OSR2: variants seen among roughly 807,000 people sequenced by gnomAD.
OSR2 encodes the protein protein odd-skipped-related 2.
In OSR2, 8 loss-of-function variants were observed where a neutral mutation model predicts 22.3. The ratio of observed to expected loss-of-function variants is 0.36; its 90% CI spans 0.21 to 0.65. The LOEUF (loss-of-function observed/expected upper bound fraction) is 0.65, where lower values mean the gene tolerates loss of function less well. Among genes scored for constraint, OSR2 ranks in the 30% least tolerant of loss-of-function variants. The pLI is 0.66. For missense variants in OSR2, 311 were observed against 413.4 expected, an observed-to-expected ratio of 0.75 and a Z score of 2.15; for synonymous variants, 179 against 173.8, an observed-to-expected ratio of 1.03 and a Z score of -0.23.
Position 98,951,985 on chromosome 8 carries a change from T to C in OSR2, c.*284T>C, listed in dbSNP as rs1840797901. 6.7e-6 allele frequency: 2 copies of C among 296,644 alleles called. No homozygotes were observed. The highest frequency in any genetic ancestry group is 2.1e-5 in the African/African-American group (1 of 47,126). The allele number at this position is 296,644 out of a possible 1,614,324, so 18.4% of individuals were successfully genotyped here. A position where few individuals can be genotyped will look rare whatever the true frequency, so the allele number is the denominator to read the frequency against. On this transcript the variant is annotated 3_prime_UTR_variant, in exon 4 of 4. Coordinates refer to ENST00000297565, the MANE Select transcript of OSR2 (RefSeq NM_001142462.3). ...CATAATGTTGTGGGTCTTTGTTTTGTTGTTTTGTTTGCTTTGGGATCTTGT... is the reference window on the plus strand; with the variant it reads ...CATAATGTTGTGGGTCTTTGTTTTGCTGTTTTGTTTGCTTTGGGATCTTGT...
At chr8:98,947,830 C>G (rs1235289774) in intron 1 of OSR2, among the ~76,000 whole-genome samples, 1 of 152,170 alleles carries the variant, frequency 6.6e-6, no homozygotes, top group African/African-American at 2.4e-5. Context: ...CTTTCCTCTC[C>G]CTCCCCGGAG....
Position 98,948,046 on chromosome 8 carries a change from C to A in OSR2, c.-114-793C>A. On this transcript the variant is annotated intron_variant, in intron 1 of 3. Transcript: ENST00000297565. The surrounding 1 kb of genome is among the most constrained non-coding windows in gnomAD (Gnocchi z 6.0). ...CCACCCCACCCCCTGGGAGCCTGAA[C>A]CATCTGGAAGGGATCTTAGTCGGGG... The A allele has an allele frequency of 8.6e-7, 1 of 1,166,328 alleles. No individual in the cohort carries two copies. Among genetic ancestry groups the A allele is most frequent in the Non-Finnish European group, 1.1e-6 (1 of 907,372 alleles). 72.2% of individuals were successfully genotyped at this position (1,166,328 alleles called of 1,614,324 possible). A position where few individuals can be genotyped will look rare whatever the true frequency, so the allele number is the denominator to read the frequency against.
chr8:98,948,615 C>A lies in OSR2; in HGVS notation c.-114-224C>A. ...AATCCGACTTTCTTTCCTTTGGGCA[C>A]GCGCTCGCCAGTGGAGCACTTCTTG... On this transcript the variant is annotated intron_variant, in intron 1 of 3. Transcript: ENST00000297565. The surrounding 1 kb of genome is among the most constrained non-coding windows in gnomAD (Gnocchi z 6.0). 1 of 1,006,440 alleles carries A rather than the reference C, an allele frequency of 9.9e-7. No homozygotes were observed. Among genetic ancestry groups the A allele is most frequent in the Non-Finnish European group, 1.4e-6 (1 of 713,080 alleles). The allele number at this position is 1,006,440 out of a possible 1,614,324, so 62.3% of individuals were successfully genotyped here. A position where few individuals can be genotyped will look rare whatever the true frequency, so the allele number is the denominator to read the frequency against.
Position 98,949,701 on chromosome 8 carries a change from C to A in OSR2, c.656+93C>A. 2.1e-6 allele frequency: 3 copies of A among 1,418,586 alleles called. No homozygotes were observed. Among genetic ancestry groups the A allele is most frequent in the South Asian group, 1.4e-5 (1 of 72,866 alleles). The allele number at this position is 1,418,586 out of a possible 1,614,324, so 87.9% of individuals were successfully genotyped here. A position where few individuals can be genotyped will look rare whatever the true frequency, so the allele number is the denominator to read the frequency against. ...TAGACATTCCCAGTGTCATTATAAT[C>A]CCCTGTGATCTAAAATACACCCTCA... is the stretch of plus-strand genomic sequence containing the variant. On this transcript the variant is annotated intron_variant, in intron 2 of 3. Coordinates refer to ENST00000297565, the MANE Select transcript of OSR2 (RefSeq NM_001142462.3). The surrounding 1 kb of genome is among the most constrained non-coding windows in gnomAD (Gnocchi z 5.9).
chr8:98,948,153 C>G lies in OSR2; in HGVS notation c.-114-686C>G. On this transcript the variant is annotated intron_variant, in intron 1 of 3. Transcript: ENST00000297565. The surrounding 1 kb of genome is among the most constrained non-coding windows in gnomAD (Gnocchi z 6.0). ...CCTGAGGTGTCACTTTTCTTTCCTG[C>G]GGCCCGTCACCGCTGATAGATGGGG... 7.2e-7 allele frequency: 1 copy of G among 1,381,170 alleles called. No individual in the cohort carries two copies. The highest frequency in any genetic ancestry group is 9.3e-7 in the Non-Finnish European group (1 of 1,070,870). 85.6% of individuals were successfully genotyped at this position (1,381,170 alleles called of 1,614,324 possible).
intron 1 of OSR2, among the ~76,000 whole-genome samples, chr8:98,946,564 CTT>C (rs35793128): frequency 6.8e-6 from 1 of 147,510 alleles, no homozygotes. Flanking sequence ...TGAAATAGCA[CTT>C]TTTTTTTTTA....
Position 98,949,089 on chromosome 8 carries a change from T to C in OSR2, c.137T>C (p.Val46Ala), listed in dbSNP as rs1259873860. ...CAGGGCCTGTACGGTCTCAGCGCGG[T>C]ACAGACCATGCACATGAACCACTGG... is the stretch of plus-strand genomic sequence containing the variant. ...HLQGLYGLSA[V>A]QTMHMNHWTL... The change falls in exon 2 of 4, where the codon GTA becomes GCA. Residue 46 changes from valine to alanine, a missense_variant. Physicochemically the swap from Val to Ala is moderately conservative, Grantham distance 64. Transcript: ENST00000297565. The surrounding 1 kb of genome is among the most constrained non-coding windows in gnomAD (Gnocchi z 5.9). 1.2e-6 allele frequency: 2 copies of C among 1,613,862 alleles called. No homozygotes were observed. Among genetic ancestry groups the C allele is most frequent in the East Asian group, 4.5e-5 (2 of 44,870 alleles).
In OSR2 at chr8:98,951,725, CCG is replaced by C; in HGVS notation, c.*26_*27del. On this transcript the variant is annotated 3_prime_UTR_variant, in exon 4 of 4. Coordinates refer to ENST00000297565, the MANE Select transcript of OSR2 (RefSeq NM_001142462.3). ...AGAGAAGCCCAGGATCTGTCCCGTGCCGCCGCTGCTCCCCTCCCCAGACACCT... is the reference window on the plus strand; with the variant it reads ...AGAGAAGCCCAGGATCTGTCCCGTGCCCGCTGCTCCCCTCCCCAGACACCT... 6.3e-7 allele frequency: 1 copy of C among 1,592,350 alleles called. No individual in the cohort carries two copies.
rs781452115 is a variant in OSR2 at position 98,951,747 on chromosome 8, A to G, written c.*46A>G. 104 of 1,559,178 alleles carry G rather than the reference A, an allele frequency of 6.7e-5. No homozygotes were observed. In the East Asian group the frequency reaches 1.9e-3, roughly 28 times the overall value. On this transcript the variant is annotated 3_prime_UTR_variant, in exon 4 of 4. Transcript: ENST00000297565. ...GTGCCGCCGCTGCTCCCCTCCCCAGACACCTCTCCACGTCTCCTACCCAGG... is the reference window on the plus strand; with the variant it reads ...GTGCCGCCGCTGCTCCCCTCCCCAGGCACCTCTCCACGTCTCCTACCCAGG...
At chr8:98,945,915 C>T (rs183111663) in intron 1 of OSR2, 71 of 152,314 alleles carry the variant, frequency 4.7e-4, no homozygotes, top group African/African-American at 1.4e-3. Flanking sequence ...CAGGTTTTAG[C>T]AGATGAACCC....
chr8:98,951,788 C>A lies in OSR2; in HGVS notation c.*87C>A. On this transcript the variant is annotated 3_prime_UTR_variant, in exon 4 of 4. Transcript: ENST00000297565. ...CCTACCCAGGGGGTCGCATCCCTAG[C>A]CCTTCACTGACCCCAGCTCTTCCCT... is the stretch of plus-strand genomic sequence containing the variant. 7.4e-7 allele frequency: 1 copy of A among 1,344,966 alleles called. No individual in the cohort carries two copies. Among genetic ancestry groups the A allele is most frequent in the Non-Finnish European group, 1.0e-6 (1 of 995,236 alleles). 83.3% of individuals were successfully genotyped at this position (1,344,966 alleles called of 1,614,324 possible).
Position 98,948,266 on chromosome 8 carries a change from G to T in OSR2, c.-114-573G>T, listed in dbSNP as rs2132084752. On this transcript the variant is annotated intron_variant, in intron 1 of 3. Coordinates refer to ENST00000297565, the MANE Select transcript of OSR2 (RefSeq NM_001142462.3). The surrounding 1 kb of genome is among the most constrained non-coding windows in gnomAD (Gnocchi z 6.0). The stretch of plus-strand genomic sequence containing the variant: ...CCAGGGCCCTCTGGCCCAGGAGGAT[G>T]AAGCGCGCCGGCTTCGCTCTTGCAC... The T allele has an allele frequency of 6.6e-7, 1 of 1,510,910 alleles. No individual in the cohort carries two copies. Among genetic ancestry groups the T allele is most frequent in the East Asian group, 2.5e-5 (1 of 40,000 alleles). The allele number at this position is 1,510,910 out of a possible 1,614,324, so 93.6% of individuals were successfully genotyped here.
Position 98,949,061 on chromosome 8 carries a change from C to G in OSR2, c.109C>G (p.Leu37Val), listed in dbSNP as rs1216238950. The change falls in exon 2 of 4, where the codon CTG (leucine) becomes GTG (valine). Residue 37 changes from leucine to valine, a missense_variant. Around this residue, in one of 5 missense-constraint regions of OSR2, gnomAD observed 146 missense variants for 160.5 expected, o/e 0.91. Transcript: ENST00000297565. This position sits in a 1 kb window ranked among gnomAD's most constrained non-coding sequence, Gnocchi z 5.9. ...VNTFPATVDH[L>V]QGLYGLSAVQ... The stretch of plus-strand genomic sequence containing the variant: ...CACCTTCCCGGCCACGGTGGACCAC[C>G]TGCAGGGCCTGTACGGTCTCAGCGC... 2.5e-5 allele frequency: 41 copies of G among 1,613,830 alleles called. No homozygotes were observed. The highest frequency in any genetic ancestry group is 3.3e-5 in the Non-Finnish European group (39 of 1,179,900).
rs1463718470 is a variant in OSR2, at chr8:98,944,743, T to A, written c.-195T>A. The A allele has an allele frequency of 6.6e-6, 1 of 152,272 alleles. No homozygotes were observed. The highest frequency in any genetic ancestry group is 6.5e-5 in the Admixed American group (1 of 15,284). 9.4% of individuals were successfully genotyped at this position (152,272 alleles called of 1,614,324 possible). On this transcript the variant is annotated 5_prime_UTR_variant, in exon 1 of 4. Coordinates refer to ENST00000297565, the MANE Select transcript of OSR2 (RefSeq NM_001142462.3). ...AAAAAAAAGTTTGCCAGGCGTGGAC[T>A]CAATGACCTTTCCAAGCTGTGCGCC...
chr8:98,950,919 C>G, intron 3 of OSR2, 164 bp downstream of exon 3: 1 of 651,702 alleles, frequency 1.5e-6, no homozygotes, highest in Non-Finnish European at 2.7e-6. Context: ...TAAAATTAAT[C>G]TTGTTTAACA....
intron 1 of OSR2, chr8:98,946,188 G>C (rs1840609085): frequency 6.6e-6 from 1 of 152,204 alleles, no homozygotes; most frequent in African/African-American, 2.4e-5. Flanking sequence ...ACTTTTCATT[G>C]GTTTAAGTTT....
At chr8:98,950,151 A>T (rs1840739784) in intron 2 of OSR2, among the ~76,000 whole-genome samples, 1 of 152,176 alleles carries the variant, frequency 6.6e-6, no homozygotes, top group African/African-American at 2.4e-5. Flanking sequence ...ATACAAGGCA[A>T]TTGAAGGCAT....
Position 98,949,415 on chromosome 8 carries a change from C to G in OSR2, c.463C>G (p.Pro155Ala), listed in dbSNP as rs773771031. The part of the protein sequence containing the change: ...SPISGLSKLT[P>A]DRKPSRGRLP... Reference sequence around the variant, plus strand: ...CATCTCGGGCCTCAGTAAATTGACTCCGGACAGAAAGCCCTCTCGAGGAAG... The same window carrying G: ...CATCTCGGGCCTCAGTAAATTGACTGCGGACAGAAAGCCCTCTCGAGGAAG... Residue 155 changes from proline (P) to alanine (A), a missense_variant, in exon 2 of 4, where the codon CCG (proline) becomes GCG (alanine). By Grantham distance (27) the Pro-to-Ala change is conservative (BLOSUM62 -1). Around this residue, in one of 5 missense-constraint regions of OSR2, gnomAD observed 53 missense variants for 59.5 expected, o/e 0.89. Coordinates refer to ENST00000297565, the MANE Select transcript of OSR2 (RefSeq NM_001142462.3). This position sits in a 1 kb window ranked among gnomAD's most constrained non-coding sequence, Gnocchi z 5.9. 6.2e-7 allele frequency: 1 copy of G among 1,613,850 alleles called. No homozygotes were observed. The highest frequency in any genetic ancestry group is 1.3e-5 in the African/African-American group (1 of 74,954).
Position 98,952,064 on chromosome 8 carries a change from A to G in OSR2, c.*363A>G, listed in dbSNP as rs1336650455. The G allele has an allele frequency of 5.7e-6, 1 of 174,518 alleles. No homozygotes were observed. The highest frequency in any genetic ancestry group is 2.4e-5 in the African/African-American group (1 of 42,396). The allele number at this position is 174,518 out of a possible 1,614,324, so 10.8% of individuals were successfully genotyped here. ...GCCAAATTTTATCTTTAAAGACTGTATTTTCAAAATAAAACTTTTTCTTGT... is the reference window on the plus strand; with the variant it reads ...GCCAAATTTTATCTTTAAAGACTGTGTTTTCAAAATAAAACTTTTTCTTGT... On this transcript the variant is annotated 3_prime_UTR_variant, in exon 4 of 4. Transcript: ENST00000297565.
Sources: allele counts gnomAD v4.1 joint callset (sites outside exome capture counted in the v4.1 genomes callset), GRCh38; gene constraint gnomAD v4.1.1; regional missense constraint gnomAD v4.1.1; non-coding constraint Gnocchi (gnomAD v3.1); transcripts MANE v1.5; gene names NCBI Gene and HGNC (gene_info 2026-07-23, HGNC 2026-07-21).